GRID2: variants seen among roughly 807,000 people sequenced by gnomAD.
The protein encoded by GRID2 is glutamate ionotropic receptor delta type subunit 2.
A neutral mutation model predicts 114.8 loss-of-function variants in GRID2; 33 were observed. That is an observed-to-expected ratio of 0.29 (90% confidence interval 0.22 to 0.38). The LOEUF is 0.38. GRID2 is among the 10% of genes least tolerant of loss of function. The pLI is 1.00. For synonymous variants in GRID2, 505 were observed against 449.9 expected, an observed-to-expected ratio of 1.12 and a Z score of -1.55; for missense variants, 1,184 against 1,257.7, an observed-to-expected ratio of 0.94 and a Z score of 0.89.
chr4:93,491,068 C>T (rs534264693), intron 12 of GRID2, among the ~76,000 whole-genome samples: 1 of 151,894 alleles, frequency 6.6e-6, no homozygotes, highest in South Asian at 2.1e-4. Context: ...CAAAGAATGA[C>T]TATATCTGAC....
At chr4:92,843,581 TATC>T (rs1466648091) in intron 2 of GRID2, among the ~76,000 whole-genome samples, 1 of 152,100 alleles carries the variant, frequency 6.6e-6, no homozygotes, top group Non-Finnish European at 1.5e-5. Context: ...ATAAATACAA[TATC>T]ATGAGAAGAT....
At chr4:93,378,847 A>G (rs1763604958) in intron 8 of GRID2, among the ~76,000 whole-genome samples, 2 of 152,170 alleles carry the variant, frequency 1.3e-5, no homozygotes, top group Middle Eastern at 6.8e-3. Context: ...GCTGGGAGGA[A>G]TAACTTCTTG....
intron 13 of GRID2, among the ~76,000 whole-genome samples, chr4:93,571,664 C>CA (rs138031344): frequency 0.2 from 29,784 of 151,808 alleles, 3,391 homozygotes; most frequent in Non-Finnish European, 0.26. Flanking sequence ...TATCATAAAC[C>CA]TATTAGGGAA....
At chr4:92,606,454 G>A (rs1183868731) in intron 2 of GRID2, among the ~76,000 whole-genome samples, 1 of 151,962 alleles carries the variant, frequency 6.6e-6, no homozygotes, top group East Asian at 1.9e-4. Context: ...GTTCAGGCAT[G>A]TTTCAGTGAG....
intron 9 of GRID2, among the ~76,000 whole-genome samples, chr4:93,409,244 C>T (rs973731255): frequency 2.0e-5 from 3 of 152,016 alleles, no homozygotes; most frequent in Non-Finnish European, 4.4e-5. Flanking sequence ...AATAATGAGT[C>T]GTTTCCTGAA....
intron 8 of GRID2, among the ~76,000 whole-genome samples, chr4:93,388,106 G>A (rs1426252595): frequency 1.3e-5 from 2 of 152,060 alleles, no homozygotes; most frequent in South Asian, 2.1e-4. Flanking sequence ...AGAGGAACAT[G>A]ATTCTATATT....
At chr4:92,562,537 A>G (rs1727144461) in intron 1 of GRID2, among the ~76,000 whole-genome samples, 1 of 152,226 alleles carries the variant, frequency 6.6e-6, no homozygotes, top group Non-Finnish European at 1.5e-5. Flanking sequence ...TCCAAGTAGT[A>G]CTAACAGTCA....
chr4:93,654,976 T>C (rs1286393485), intron 14 of GRID2, among the ~76,000 whole-genome samples: 1 of 152,192 alleles, frequency 6.6e-6, no homozygotes, highest in Non-Finnish European at 1.5e-5. Flanking sequence ...ATCCAGATCC[T>C]TTATCATTCT....
chr4:92,882,803 ATATTT>A (rs1250815956), intron 2 of GRID2, among the ~76,000 whole-genome samples: 1 of 152,242 alleles, frequency 6.6e-6, no homozygotes, highest in Non-Finnish European at 1.5e-5. Context: ...AAAAATGTAC[ATATTT>A]TAATTTAAAG....
In GRID2 at chr4:93,281,534, G is replaced by A. The variant is rs141919182; in HGVS notation, c.1245+43044G>A. The stretch of plus-strand genomic sequence containing the variant: ...GGCTACAAAATGAATGGAAAAACTA[G>A]GTCTTGAACCTAAGTAACCTAAGTC... On this transcript the variant is annotated intron_variant, in intron 8 of 15. Transcript: ENST00000282020. Among the ~76,000 whole-genome samples, 322 of 152,056 alleles carry A rather than the reference G, an allele frequency of 2.1e-3. 1 individual carries two copies. The highest frequency in any genetic ancestry group is 3.3e-3 in the Non-Finnish European group (225 of 67,938).
At chr4:93,114,684 A>T (rs977725572) in intron 4 of GRID2, among the ~76,000 whole-genome samples, 1 of 151,968 alleles carries the variant, frequency 6.6e-6, no homozygotes, top group African/African-American at 2.4e-5. Flanking sequence ...GACACATCCC[A>T]CCTCCTCGAT....
At chr4:93,244,048 G>A (rs1026618102) in intron 8 of GRID2, among the ~76,000 whole-genome samples, 8 of 151,912 alleles carry the variant, frequency 5.3e-5, no homozygotes, top group Non-Finnish European at 8.8e-5. Context: ...ATAACTCTAC[G>A]TTTAAGGAAT....
intron 1 of GRID2, among the ~76,000 whole-genome samples, chr4:93,784,407 T>C (rs192073514): frequency 1.3e-5 from 2 of 152,208 alleles, no homozygotes; most frequent in Admixed American, 6.5e-5. Context: ...TAAGGCACCC[T>C]TCACAGAGAA....
At chr4:93,022,555 G>C (rs566779083) in intron 2 of GRID2, among the ~76,000 whole-genome samples, 1 of 151,988 alleles carries the variant, frequency 6.6e-6, no homozygotes, top group East Asian at 1.9e-4. Flanking sequence ...GAAATTCCTA[G>C]TTAAAGAAAC....
At chr4:92,928,616 T>C (rs1190750301) in intron 2 of GRID2, among the ~76,000 whole-genome samples, 2 of 151,642 alleles carry the variant, frequency 1.3e-5, no homozygotes, top group Non-Finnish European at 3.0e-5. Flanking sequence ...TGCATTCTTG[T>C]GATTTATTTA....
In GRID2 at chr4:92,940,553, C is replaced by G. The variant is rs376168591; in HGVS notation, c.245-144442C>G. Among the ~76,000 whole-genome samples the G allele has an allele frequency of 2.2e-4, 34 of 152,214 alleles. No homozygotes were observed. The East Asian group carries it at 5.2e-3, about 23-fold the overall frequency. On this transcript the variant is annotated intron_variant, in intron 2 of 15. Transcript: ENST00000282020. The stretch of plus-strand genomic sequence containing the variant: ...CTTCCTCATTTCCTAATTGAATGCC[C>G]TTTATTTCCTTCCCCTGCCTAATTG...
chr4:93,799,306 A>C (rs560738805), intron 1 of GRID2, among the ~76,000 whole-genome samples: 6 of 152,294 alleles, frequency 3.9e-5, no homozygotes, highest in Non-Finnish European at 7.4e-5. Flanking sequence ...CTATGTTCCT[A>C]GATTTGAGTG....
intron 2 of GRID2, among the ~76,000 whole-genome samples, chr4:92,688,381 C>T (rs773653040): frequency 6.6e-6 from 1 of 152,124 alleles, no homozygotes; most frequent in East Asian, 1.9e-4. Context: ...TTCTCTGTAG[C>T]GTATAATGCT....
chr4:93,306,346 T>A (rs370764209), intron 8 of GRID2: 4 of 152,234 alleles, frequency 2.6e-5, no homozygotes, highest in South Asian at 4.1e-4. Flanking sequence ...TTCATTCGTC[T>A]CAGAAGCTTA....
Sources: allele counts gnomAD v4.1 joint callset (sites outside exome capture counted in the v4.1 genomes callset), GRCh38; gene constraint gnomAD v4.1.1; transcripts MANE v1.5; gene names NCBI Gene and HGNC (gene_info 2026-07-23, HGNC 2026-07-21).